The following ADGRL1 variants were observed in gnomAD, a reference collection of about 807,000 sequenced individuals.
ADGRL1 encodes the protein CIRL-1.
In ADGRL1, 31 loss-of-function variants were observed where a neutral mutation model predicts 148.9. The observed-to-expected ratio is 0.21, with a 90% CI of 0.16 to 0.28. The LOEUF (loss-of-function observed/expected upper bound fraction) is 0.28. ADGRL1 is among the 10% of genes least tolerant of loss of function. The pLI is 1.00. For synonymous variants in ADGRL1, 937 were observed against 900.3 expected, an observed-to-expected ratio of 1.04 and a Z score of -0.73; for missense variants, 1,521 against 2,058.8, an observed-to-expected ratio of 0.74 and a Z score of 5.05.
At chr19:14,195,214 T>C (rs1434721953) in intron 1 of ADGRL1, among the ~76,000 whole-genome samples, 2 of 151,964 alleles carry the variant, frequency 1.3e-5, no homozygotes, top group South Asian at 2.1e-4. Context: ...ATCTCACCCA[T>C]GGGAAACGGG....
At position 14,163,075 on chromosome 19, in the gene ADGRL1, C is replaced by A. The variant is rs139207999; in HGVS notation, c.726G>T (p.Thr242=). Residue 242 remains threonine, a synonymous_variant, in exon 5 of 23, where the codon ACG becomes ACT. Coordinates refer to ENST00000361434, the MANE Select transcript of ADGRL1 (RefSeq NM_014921.5). The part of the protein sequence containing the change: ...DLRTRIKSGE[T]VINTANYHDT... ...CATGGTAGTTGGCGGTATTGATGAC[C>A]GTCTCCCCGCTCTTGATGCGCGTCC... 12 of 1,614,016 alleles carry A rather than the reference C, an allele frequency of 7.4e-6. No individual in the cohort carries two copies. In the African/African-American group the frequency reaches 1.2e-4, roughly 16 times the overall value.
chr19:14,197,338 G>T (rs906440148), intron 1 of ADGRL1, among the ~76,000 whole-genome samples: 15 of 152,146 alleles, frequency 9.9e-5, no homozygotes, highest in East Asian at 9.6e-4. Flanking sequence ...GGTAGGGGTC[G>T]TTCAAAAAAT....
chr19:14,196,513 G>T (rs984749127), intron 1 of ADGRL1, among the ~76,000 whole-genome samples: 3 of 152,138 alleles, frequency 2.0e-5, no homozygotes, highest in African/African-American at 7.2e-5. Flanking sequence ...CCAGCTCCTC[G>T]GGAGGCTTAG....
intron 1 of ADGRL1, among the ~76,000 whole-genome samples, chr19:14,187,801 T>TC (rs1971679387): frequency 6.6e-6 from 1 of 151,772 alleles, no homozygotes; most frequent in Admixed American, 6.6e-5. Context: ...TCCTCATTTC[T>TC]CCCCCAACTG....
intron 4 of ADGRL1, among the ~76,000 whole-genome samples, chr19:14,164,997 C>T (rs1830930506): frequency 6.6e-6 from 1 of 152,172 alleles, no homozygotes; most frequent in African/African-American, 2.4e-5. Flanking sequence ...ACCAAAGCAG[C>T]TGGCCCCGAG....
chr19:14,163,849 C>G (rs1446342870), intron 4 of ADGRL1, among the ~76,000 whole-genome samples: 1 of 152,082 alleles, frequency 6.6e-6, no homozygotes, highest in African/African-American at 2.4e-5. Flanking sequence ...TTTGACGGTC[C>G]AGGGACTCAG....
At chr19:14,178,017 C>T (rs776690454) in intron 2 of ADGRL1, among the ~76,000 whole-genome samples, 24 of 152,254 alleles carry the variant, frequency 1.6e-4, no homozygotes, top group Non-Finnish European at 2.9e-4. Context: ...TGACTGTTTT[C>T]CTGGGGTCCT....
chr19:14,184,637 TA>T (rs1405654157), intron 1 of ADGRL1, among the ~76,000 whole-genome samples: 1,785 of 135,254 alleles, frequency 0.013, 56 homozygotes, highest in African/African-American at 0.043. Context: ...TTTATTTATT[TA>T]TTTATTTATT....
Position 14,161,136 on chromosome 19 carries a change from GGC to G in ADGRL1, c.1510+174_1510+175del, listed in dbSNP as rs1277761483. Among the ~76,000 whole-genome samples, 2 of 152,226 alleles carry G rather than the reference GGC, an allele frequency of 1.3e-5. No homozygotes were observed. The highest frequency in any genetic ancestry group is 3.9e-4 in the East Asian group (2 of 5,186). On this transcript the variant is annotated intron_variant, in intron 6 of 22. Coordinates refer to ENST00000361434, the MANE Select transcript of ADGRL1 (RefSeq NM_014921.5). The surrounding 1 kb of genome is among the most constrained non-coding windows in gnomAD (Gnocchi z 4.4). The stretch of plus-strand genomic sequence containing the variant: ...GACTCCCTGCAGGTTCTGCAGGTGG[GGC>G]CAGGGGCACTGAGTGGCTCCTGTGC...
intron 1 of ADGRL1, among the ~76,000 whole-genome samples, chr19:14,186,597 T>C (rs1450822093): frequency 1.3e-5 from 2 of 152,114 alleles, no homozygotes; most frequent in Admixed American, 6.6e-5. Flanking sequence ...GTCACCTGTA[T>C]GTTGTCCTGG....
At position 14,156,673 on chromosome 19, in the gene ADGRL1, G is replaced by A. The variant is rs776209030; in HGVS notation, c.3018C>T (p.Val1006=). 1.9e-6 allele frequency: 3 copies of A among 1,611,666 alleles called. No individual in the cohort carries two copies. Among genetic ancestry groups the A allele is most frequent in the South Asian group, 2.2e-5 (2 of 90,676 alleles). ...NYFIWSFIGP[V]SFVIVVNLVF... ...CCCAACTCACCACGATAACGAAGGA[G>A]ACTGGCCCGATGAAACTCCAGATGA... is the stretch of plus-strand genomic sequence containing the variant. Residue 1006 remains valine (V), a synonymous_variant, in exon 16 of 23, where the codon GTC becomes GTT. Transcript: ENST00000361434.
intron 4 of ADGRL1, among the ~76,000 whole-genome samples, chr19:14,166,653 C>T (rs1056948845): frequency 6.6e-6 from 1 of 151,470 alleles, no homozygotes; most frequent in Non-Finnish European, 1.5e-5. Flanking sequence ...TCCCTCCCTC[C>T]CCACCCGCCC....
chr19:14,183,835 C>T (rs770662688), intron 1 of ADGRL1, 138 bp from the exon 2 acceptor site: 13 of 544,526 alleles, frequency 2.4e-5, no homozygotes, highest in East Asian at 1.3e-4. Context: ...GGGCCCCCTC[C>T]GGGGTCTGCA....
rs540308158 is a variant in ADGRL1 at position 14,151,563 on chromosome 19, G to A, written c.3720C>T (p.Asn1240=). 9.3e-5 allele frequency: 149 copies of A among 1,610,070 alleles called. 2 individuals are homozygous for A. In the South Asian group the frequency reaches 1.0e-3, roughly 11 times the overall value. ...EACGMDTLPL[N]GNFNNSYSLR... ...AGGAGTAACTGTTATTGAAGTTGCC[G>A]TTCAGGGGCAGGGTGTCCATGCCAC... The change falls in exon 23 of 23, where the codon AAC becomes AAT. Residue 1240 remains asparagine, a synonymous_variant. Transcript: ENST00000361434.
At chr19:14,166,893 A>T (rs1232958281) in intron 4 of ADGRL1, 14 of 1,016,316 alleles carry the variant, frequency 1.4e-5, no homozygotes, top group Non-Finnish European at 1.8e-5. Context: ...GGTGGGGGAT[A>T]CCGACCGGAC....
At position 14,151,127 on chromosome 19, in the gene ADGRL1, G is replaced by A. The variant is rs1280742574; in HGVS notation, c.4156C>T (p.Leu1386=). 2.5e-6 allele frequency: 4 copies of A among 1,584,196 alleles called. No homozygotes were observed. Among genetic ancestry groups the A allele is most frequent in the Non-Finnish European group, 3.4e-6 (4 of 1,167,582 alleles). ...TCCGGGTAGGAGGGTGAGTCCCGCA[G>A]GTTGGCCCCGCTGGCATAGAGGGAG... ...RDSLYASGAN[L]RDSPSYPDSS... The change falls in exon 23 of 23, where the codon CTG becomes TTG. Residue 1386 remains leucine (L), a synonymous_variant. Transcript: ENST00000361434.
rs932474688 is a variant in ADGRL1 at position 14,149,138 on chromosome 19, G to A, written c.*1735C>T. On this transcript the variant is annotated 3_prime_UTR_variant, in exon 23 of 23. Coordinates refer to ENST00000361434, the MANE Select transcript of ADGRL1 (RefSeq NM_014921.5). ...TGCTGCCCCTAGAGTTGAGGGAAGG[G>A]GGCTGGGGAGGCTGGCCTGACAGGC... 1.3e-5 allele frequency: 2 copies of A among 152,312 alleles called. No individual in the cohort carries two copies. The highest frequency in any genetic ancestry group is 6.5e-5 in the Admixed American group (1 of 15,274). 9.4% of individuals were successfully genotyped at this position (152,312 alleles called of 1,614,324 possible).
At chr19:14,156,298 G>A (rs1053881422) in intron 16 of ADGRL1, 97 bp from the exon 17 acceptor site, 1 of 962,014 alleles carries the variant, frequency 1.0e-6, no homozygotes, top group Non-Finnish European at 1.6e-6. Flanking sequence ...TCTCAGCTGT[G>A]GCCCTCGCCT....
At chr19:14,189,732 C>G (rs1471906481) in intron 1 of ADGRL1, among the ~76,000 whole-genome samples, 6 of 152,182 alleles carry the variant, frequency 3.9e-5, no homozygotes, top group Non-Finnish European at 8.8e-5. Context: ...CCTAGCTTTG[C>G]TGAGGCATCA....
Sources: allele counts gnomAD v4.1 joint callset (sites outside exome capture counted in the v4.1 genomes callset), GRCh38; gene constraint gnomAD v4.1.1; non-coding constraint Gnocchi (gnomAD v3.1); transcripts MANE v1.5; gene names NCBI Gene and HGNC (gene_info 2026-07-23, HGNC 2026-07-21).